Variants in EPHB1 observed in about 807,000 individuals in gnomAD.
The protein encoded by EPHB1 is EPH receptor B1, also known as ephrin type-B receptor 1.
EPHB1 carries 30 observed loss-of-function variants against 94.4 expected under a neutral mutation model. The observed-to-expected ratio is 0.32, with a 90% CI of 0.24 to 0.43. The LOEUF is 0.43. Among genes scored for constraint, EPHB1 ranks in the 20% least tolerant of loss-of-function variants. The pLI, the probability that EPHB1 is intolerant of heterozygous loss-of-function variation, is 1.00. For missense variants in EPHB1, 1,055 were observed against 1,308.3 expected (o/e 0.81, Z 2.99); for synonymous variants, 522 against 489.1 (o/e 1.07, Z -0.89).
At chr3:134,849,647 G>A (rs916487875) in intron 1 of EPHB1, among the ~76,000 whole-genome samples, 1 of 152,122 alleles carries the variant, frequency 6.6e-6, no homozygotes, top group Non-Finnish European at 1.5e-5. Context: ...GCAAGCACCC[G>A]AGGACAGAGC....
intron 1 of EPHB1, among the ~76,000 whole-genome samples, chr3:134,902,504 G>T (rs1317758446): frequency 6.6e-6 from 1 of 152,110 alleles, no homozygotes; most frequent in Non-Finnish European, 1.5e-5. Flanking sequence ...TTTAATATAT[G>T]CAATAAAAGG....
chr3:135,149,033 C>T (rs745890965), intron 5 of EPHB1, among the ~76,000 whole-genome samples: 1 of 152,166 alleles, frequency 6.6e-6, no homozygotes, highest in South Asian at 2.1e-4. Context: ...TCTGTTGGGT[C>T]AGCCTCTTCA....
At chr3:135,075,676 G>A (rs1244693775) in intron 3 of EPHB1, among the ~76,000 whole-genome samples, 4 of 152,168 alleles carry the variant, frequency 2.6e-5, no homozygotes, top group Non-Finnish European at 4.4e-5. Flanking sequence ...TCCCTAGGTG[G>A]TAGAAAGAAA....
intron 12 of EPHB1, among the ~76,000 whole-genome samples, chr3:135,213,311 A>G (rs1290735661): frequency 1.3e-5 from 2 of 152,260 alleles, no homozygotes; most frequent in Admixed American, 6.5e-5. Flanking sequence ...CTGAACTGCT[A>G]CTAATATTCC....
intron 3 of EPHB1, among the ~76,000 whole-genome samples, chr3:135,038,068 C>T (rs1669233670): frequency 6.6e-6 from 1 of 152,208 alleles, no homozygotes; most frequent in Admixed American, 6.5e-5. Flanking sequence ...ATGCTTCTCC[C>T]ACTATCCTCA....
At chr3:135,229,511 G>A (rs1300674710) in intron 12 of EPHB1, among the ~76,000 whole-genome samples, 1 of 152,160 alleles carries the variant, frequency 6.6e-6, no homozygotes, top group Non-Finnish European at 1.5e-5. Flanking sequence ...ACATTGCAAT[G>A]AAAAGAAGGA....
At chr3:134,931,882 G>C (rs544294226) in intron 2 of EPHB1, among the ~76,000 whole-genome samples, 7 of 151,984 alleles carry the variant, frequency 4.6e-5, no homozygotes, top group Non-Finnish European at 1.0e-4. Flanking sequence ...CTGTATATAT[G>C]CATACATGTA....
At chr3:134,869,931 G>A (rs1002064614) in intron 1 of EPHB1, among the ~76,000 whole-genome samples, 7 of 152,144 alleles carry the variant, frequency 4.6e-5, no homozygotes, top group Admixed American at 3.3e-4. Context: ...CAGACCTTGG[G>A]TAAGCATTCT....
chr3:134,911,101 C>T (rs895797608), intron 1 of EPHB1, among the ~76,000 whole-genome samples: 3 of 152,346 alleles, frequency 2.0e-5, no homozygotes, highest in African/African-American at 2.4e-5. Context: ...GACCAGACTT[C>T]CACCTTGCAT....
chr3:134,889,856 T>C (rs2037939880), intron 1 of EPHB1, among the ~76,000 whole-genome samples: 1 of 151,678 alleles, frequency 6.6e-6, no homozygotes, highest in Non-Finnish European at 1.5e-5. Flanking sequence ...TTTTTTGTAT[T>C]TTTAGTAGAG....
intron 3 of EPHB1, among the ~76,000 whole-genome samples, chr3:135,044,037 TC>T: frequency 6.6e-6 from 1 of 152,320 alleles, no homozygotes; most frequent in African/African-American, 2.4e-5. Flanking sequence ...TATAATCAAT[TC>T]CAGAACCATA....
At chr3:134,969,605 A>G (rs558097244) in intron 3 of EPHB1, among the ~76,000 whole-genome samples, 136 of 152,328 alleles carry the variant, frequency 8.9e-4, no homozygotes, top group African/African-American at 3.1e-3. Flanking sequence ...GTGAATTATT[A>G]TAAGTGTTAA....
At chr3:134,857,139 G>T (rs980210287) in intron 1 of EPHB1, among the ~76,000 whole-genome samples, 1 of 152,224 alleles carries the variant, frequency 6.6e-6, no homozygotes, top group African/African-American at 2.4e-5. Context: ...GCCTTGGGGG[G>T]CAGGGAGGTG....
intron 1 of EPHB1, among the ~76,000 whole-genome samples, chr3:134,919,442 A>C (rs2038633104): frequency 6.6e-6 from 1 of 152,236 alleles, no homozygotes. Context: ...CCATTCCAAA[A>C]TCCAAAGCCA....
chr3:135,047,886 AG>A (rs1199085467), intron 3 of EPHB1, among the ~76,000 whole-genome samples: 1 of 152,222 alleles, frequency 6.6e-6, no homozygotes, highest in African/African-American at 2.4e-5. Context: ...TTAAATGCAC[AG>A]GACAGCCCCT....
At chr3:135,076,906 A>G (rs1013890532) in intron 3 of EPHB1, among the ~76,000 whole-genome samples, 1 of 152,192 alleles carries the variant, frequency 6.6e-6, no homozygotes, top group Non-Finnish European at 1.5e-5. Context: ...CAGAAAGTAG[A>G]TAAGTGGTTG....
chr3:135,224,280 C>T (rs1200799552), intron 12 of EPHB1, among the ~76,000 whole-genome samples: 2 of 152,134 alleles, frequency 1.3e-5, no homozygotes, highest in Non-Finnish European at 2.9e-5. Flanking sequence ...ATTTTCTTTG[C>T]CTTTTATGAC....
At chr3:134,981,032 C>T (rs1184011505) in intron 3 of EPHB1, among the ~76,000 whole-genome samples, 1 of 152,184 alleles carries the variant, frequency 6.6e-6, no homozygotes, top group East Asian at 1.9e-4. Flanking sequence ...ACAGGGCAAG[C>T]AGGGTATCAG....
intron 1 of EPHB1, among the ~76,000 whole-genome samples, chr3:134,851,177 G>T (rs1376614611): frequency 6.6e-6 from 1 of 152,222 alleles, no homozygotes; most frequent in African/African-American, 2.4e-5. Flanking sequence ...CTGGAGGGAG[G>T]AATTCAGGCT....
Sources: allele counts gnomAD v4.1 joint callset (sites outside exome capture counted in the v4.1 genomes callset), GRCh38; gene constraint gnomAD v4.1.1; transcripts MANE v1.5; gene names NCBI Gene and HGNC (gene_info 2026-07-23, HGNC 2026-07-21).